The following FLT4 variants were observed in gnomAD, a reference collection of about 807,000 sequenced individuals.
The protein encoded by FLT4 is fms related receptor tyrosine kinase 4, also known as vascular endothelial growth factor receptor 3.
In FLT4, 30 loss-of-function variants were observed where a neutral mutation model predicts 163.2. That is an observed-to-expected ratio of 0.18 (90% confidence interval 0.14 to 0.25). The LOEUF (loss-of-function observed/expected upper bound fraction) is 0.25, where lower values mean the gene tolerates loss of function less well. Ranked by LOEUF, FLT4 falls within the 10% of genes least tolerant of loss-of-function variation. FLT4 has a pLI of 1.00. For synonymous variants in FLT4, 884 were observed against 789.5 expected (o/e 1.12, Z -2.01); for missense variants, 1,510 against 1,863.8 (o/e 0.81, Z 3.50).
intron 1 of FLT4, among the ~76,000 whole-genome samples, chr5:180,638,297 C>T (rs1561754466): frequency 6.6e-6 from 1 of 152,188 alleles, no homozygotes; most frequent in Non-Finnish European, 1.5e-5. Context: ...CGTGCACCCC[C>T]TCCAGCCCCA....
intron 2 of FLT4, 86 bp downstream of exon 2, chr5:180,631,596 G>T (rs1764167916): frequency 1.4e-5 from 15 of 1,084,296 alleles, no homozygotes; most frequent in African/African-American, 3.1e-5. Context: ...CCTGGGAGGG[G>T]GCTGCCATCT....
Position 180,623,882 on chromosome 5 carries a change from C to T in FLT4, c.1548+53G>A. 1 of 1,609,302 alleles carries T rather than the reference C, an allele frequency of 6.2e-7. No homozygotes were observed. The highest frequency in any genetic ancestry group is 8.5e-7 in the Non-Finnish European group (1 of 1,176,800). On this transcript the variant is annotated intron_variant, in intron 11 of 29. Transcript: ENST00000261937. This position sits in a 1 kb window ranked among gnomAD's most constrained non-coding sequence, Gnocchi z 5.8. ...AAACCACATGGCAGTAATGGCCTCT[C>T]TCTCCTCCCTTCTCCTTCTCCCTGG...
At chr5:180,628,320 C>T (rs1015274703) in intron 8 of FLT4, among the ~76,000 whole-genome samples, 3 of 152,216 alleles carry the variant, frequency 2.0e-5, no homozygotes, top group Non-Finnish European at 4.4e-5. Context: ...AGGGCCACCC[C>T]TGAGGCCTCC....
rs1397039584 is a variant in FLT4, at chr5:180,630,118, G to A, written c.514-13C>T. Reference sequence around the variant, plus strand: ...GCACCGAGCTTTGCTGGAGGGACAAGGCCACCATCATTGCCCAGCTGCCCC... The same window carrying A: ...GCACCGAGCTTTGCTGGAGGGACAAAGCCACCATCATTGCCCAGCTGCCCC... On this transcript the variant is annotated splice_polypyrimidine_tract_variant and intron_variant, in intron 4 of 29. Coordinates refer to ENST00000261937, the MANE Select transcript of FLT4 (RefSeq NM_182925.5). The surrounding 1 kb of genome is among the most constrained non-coding windows in gnomAD (Gnocchi z 6.3). The A allele has an allele frequency of 6.2e-7, 1 of 1,612,474 alleles. No homozygotes were observed. The highest frequency in any genetic ancestry group is 1.3e-5 in the African/African-American group (1 of 74,924).
chr5:180,626,690 C>T (rs367958641), intron 8 of FLT4, among the ~76,000 whole-genome samples: 12 of 152,328 alleles, frequency 7.9e-5, no homozygotes, highest in Admixed American at 2.0e-4. Flanking sequence ...CAGCTGGGCA[C>T]GGCCTGGAGA....
At chr5:180,643,091 T>C (rs1340323961) in intron 1 of FLT4, among the ~76,000 whole-genome samples, 7 of 152,258 alleles carry the variant, frequency 4.6e-5, no homozygotes, top group Admixed American at 4.6e-4. Context: ...TCTACAGATG[T>C]CTGTATAATT....
chr5:180,645,025 G>A (rs1765414188), intron 1 of FLT4, among the ~76,000 whole-genome samples: 1 of 152,238 alleles, frequency 6.6e-6, no homozygotes. Flanking sequence ...GCTGGTGTGT[G>A]CAGTGGGTGG....
Position 180,613,721 on chromosome 5 carries a change from C to T in FLT4, c.3331+347G>A, listed in dbSNP as rs948946258. 41 of 408,928 alleles carry T rather than the reference C, an allele frequency of 1.0e-4. 1 individual carries two copies. Among genetic ancestry groups the T allele is most frequent in the South Asian group, 4.6e-4 (20 of 43,654 alleles). 25.3% of individuals were successfully genotyped at this position (408,928 alleles called of 1,614,324 possible). A position where few individuals can be genotyped will look rare whatever the true frequency, so the allele number is the denominator to read the frequency against. The stretch of plus-strand genomic sequence containing the variant: ...CCTGGAGACTTCATCATGCTCGCAG[C>T]GGGGCCTGAGTTCCCACATGGAGCT... On this transcript the variant is annotated intron_variant, in intron 24 of 29. Transcript: ENST00000261937.
At position 180,619,382 on chromosome 5, in the gene FLT4, G is replaced by A. The variant is rs1296115443; in HGVS notation, c.2648-16C>T. 1.9e-6 allele frequency: 3 copies of A among 1,583,948 alleles called. No individual in the cohort carries two copies. The Admixed American group carries it at 5.0e-5, about 26-fold the overall frequency. ...GTGGCGCCCTCTGGAGGGGACACGG[G>A]CCTCACACCGGCCCCGACCCTGGCA... is the stretch of plus-strand genomic sequence containing the variant. On this transcript the variant is annotated splice_polypyrimidine_tract_variant and intron_variant, in intron 18 of 29. Transcript: ENST00000261937.
In FLT4 at chr5:180,609,911, G is replaced by A. The variant is rs1258047975; in HGVS notation, c.3801C>T (p.Gly1267=). 3 of 1,614,158 alleles carry A rather than the reference G, an allele frequency of 1.9e-6. No homozygotes were observed. Among genetic ancestry groups the A allele is most frequent in the East Asian group, 2.2e-5 (1 of 44,888 alleles). Residue 1267 remains glycine (G), a synonymous_variant, in exon 28 of 30, where the codon GGC becomes GGT. Transcript: ENST00000261937. ...CACCCTTCATGTGAAGTACCACAGAGCCTTTGTAGGTCGTTGGGGTCATGG... is the reference window on the plus strand; with the variant it reads ...CACCCTTCATGTGAAGTACCACAGAACCTTTGTAGGTCGTTGGGGTCATGG... The part of the protein sequence containing the change: ...EFPMTPTTYK[G]SVDNQTDSGM...
chr5:180,612,877 C>T lies in FLT4; in HGVS notation c.3431+134G>A, dbSNP rs78748339. On this transcript the variant is annotated intron_variant, in intron 25 of 29. Coordinates refer to ENST00000261937, the MANE Select transcript of FLT4 (RefSeq NM_182925.5). ...TGGTGCAGCTGTGCTACAGACTACCCGTGTATCTTGAGGGTGGTGCCCAGG... is the reference window on the plus strand; with the variant it reads ...TGGTGCAGCTGTGCTACAGACTACCTGTGTATCTTGAGGGTGGTGCCCAGG... 3.7e-3 allele frequency: 2,650 copies of T among 719,146 alleles called. 56 individuals carry two copies. In the African/African-American group the frequency reaches 0.04, roughly 11 times the overall value. The allele number at this position is 719,146 out of a possible 1,614,324, so 44.5% of individuals were successfully genotyped here. A position where few individuals can be genotyped will look rare whatever the true frequency, so the allele number is the denominator to read the frequency against.
chr5:180,641,848 C>T (rs1363216673), intron 1 of FLT4, among the ~76,000 whole-genome samples: 1 of 152,220 alleles, frequency 6.6e-6, no homozygotes, highest in Non-Finnish European at 1.5e-5. Flanking sequence ...CCCCAGTCTT[C>T]CCACTTGTGA....
intron 1 of FLT4, among the ~76,000 whole-genome samples, chr5:180,643,865 A>G (rs1198880061): frequency 6.7e-6 from 1 of 149,620 alleles, no homozygotes; most frequent in Non-Finnish European, 1.5e-5. Context: ...CCTGTTGCCC[A>G]GGCTGTAGTG....
chr5:180,646,521 G>C (rs1262232104), intron 1 of FLT4, among the ~76,000 whole-genome samples: 1 of 152,134 alleles, frequency 6.6e-6, no homozygotes, highest in African/African-American at 2.4e-5. Context: ...CCCTGTCCTG[G>C]AGTTCTGCAG....
intron 29 of FLT4, chr5:180,608,275 C>T (rs1216687826): frequency 2.9e-6 from 2 of 700,732 alleles, no homozygotes; most frequent in Non-Finnish European, 5.2e-6. Flanking sequence ...TCTCTCTCTG[C>T]TTCAGCTACC....
At position 180,619,688 on chromosome 5, in the gene FLT4, G is replaced by A; in HGVS notation, c.2624C>T (p.Thr875Ile). The change falls in exon 18 of 30, where the codon ACC becomes ATC. Residue 875 changes from threonine to isoleucine, a missense_variant. Physicochemically the swap from Thr to Ile is moderately conservative, Grantham distance 89. This residue lies in a region of FLT4 where 878 missense variants were observed against 1,016.7 expected (regional missense o/e 0.86). Transcript: ENST00000261937. ...FGIHKGSSCD[T>I]VAVKMLKEGA... Reference sequence around the variant, plus strand: ...ACCTTTCAGCATTTTCACGGCCACGGTGTCACAGCTGCTGCCCTTGTGGAT... The same window carrying A: ...ACCTTTCAGCATTTTCACGGCCACGATGTCACAGCTGCTGCCCTTGTGGAT... The A allele has an allele frequency of 6.2e-7, 1 of 1,612,598 alleles. No homozygotes were observed. Among genetic ancestry groups the A allele is most frequent in the Non-Finnish European group, 8.5e-7 (1 of 1,179,784 alleles).
Position 180,621,252 on chromosome 5 carries a change from G to A in FLT4, c.2021C>T (p.Ala674Val). ...HCHKKYLSVQALEAPRLTQNL... is the reference protein window; with the variant it reads ...HCHKKYLSVQVLEAPRLTQNL... Reference sequence around the variant, plus strand: ...CTGCGTGAGCCGAGGGGCTTCCAGGGCTGGGGGCAGGGGTCGAGAGGGAGC... The same window carrying A: ...CTGCGTGAGCCGAGGGGCTTCCAGGACTGGGGGCAGGGGTCGAGAGGGAGC... The change falls in exon 14 of 30, where the codon GCC (alanine) becomes GTC (valine). Residue 674 changes from alanine (A) to valine (V), a missense_variant and splice_region_variant. Physicochemically the swap from Ala to Val is moderately conservative, Grantham distance 64. Around this residue, in one of 5 missense-constraint regions of FLT4, gnomAD observed 878 missense variants for 1,016.7 expected, o/e 0.86. Coordinates refer to ENST00000261937, the MANE Select transcript of FLT4 (RefSeq NM_182925.5). 1 of 1,611,602 alleles carries A rather than the reference G, an allele frequency of 6.2e-7. No homozygotes were observed. Among genetic ancestry groups the A allele is most frequent in the Non-Finnish European group, 8.5e-7 (1 of 1,179,008 alleles).
At position 180,619,375 on chromosome 5, in the gene FLT4, G is replaced by T; in HGVS notation, c.2648-9C>A. ...GCTGGCCGTGGCGCCCTCTGGAGGG[G>T]ACACGGGCCTCACACCGGCCCCGAC... On this transcript the variant is annotated splice_polypyrimidine_tract_variant and intron_variant, in intron 18 of 29. Transcript: ENST00000261937. 3 of 1,598,800 alleles carry T rather than the reference G, an allele frequency of 1.9e-6. No individual in the cohort carries two copies. The highest frequency in any genetic ancestry group is 2.6e-6 in the Non-Finnish European group (3 of 1,171,414).
intron 1 of FLT4, among the ~76,000 whole-genome samples, chr5:180,637,159 A>G (rs1764746846): frequency 2.0e-5 from 3 of 151,844 alleles, no homozygotes; most frequent in Non-Finnish European, 4.4e-5. Context: ...GGTGAACCCC[A>G]TCTCTACTAA....
Sources: allele counts gnomAD v4.1 joint callset (sites outside exome capture counted in the v4.1 genomes callset), GRCh38; gene constraint gnomAD v4.1.1; regional missense constraint gnomAD v4.1.1; non-coding constraint Gnocchi (gnomAD v3.1); transcripts MANE v1.5; gene names NCBI Gene and HGNC (gene_info 2026-07-23, HGNC 2026-07-21).